Variants in SATB2 observed in about 807,000 individuals in gnomAD.
SATB2 encodes SATB homeobox 2.
Under a neutral mutation model 73.4 loss-of-function variants are expected in SATB2, and 1 was observed. The ratio of observed to expected loss-of-function variants is 0.01; its 90% CI spans 0.00 to 0.06. The LOEUF is 0.06. Among genes scored for constraint, SATB2 ranks in the 10% least tolerant of loss-of-function variants. The pLI, the probability that SATB2 is intolerant of heterozygous loss-of-function variation, is 1.00. For synonymous variants in SATB2, 397 were observed against 367.0 expected, an observed-to-expected ratio of 1.08 and a Z score of -0.93; for missense variants, 459 against 945.8, an observed-to-expected ratio of 0.49 and a Z score of 6.75.
chr2:199,386,746 ACACACACACACACACACAC>A (rs1689971625), intron 3 of SATB2, among the ~76,000 whole-genome samples: 2 of 148,722 alleles, frequency 1.3e-5, no homozygotes, highest in Non-Finnish European at 3.0e-5. Flanking sequence ...ACACACACAC[ACACACACACACACACACAC>A]ACCTTTGAGT....
At chr2:199,346,486 A>G (rs578001058) in intron 7 of SATB2, among the ~76,000 whole-genome samples, 1 of 152,154 alleles carries the variant, frequency 6.6e-6, no homozygotes, top group Non-Finnish European at 1.5e-5. Context: ...ATCATACGAC[A>G]ATTTCAAAAC....
Position 199,291,033 on chromosome 2 carries a change from G to A in SATB2, c.1740+17727C>T, listed in dbSNP as rs1427207336. Among the ~76,000 whole-genome samples the A allele has an allele frequency of 2.0e-5, 3 of 152,124 alleles. No homozygotes were observed. The East Asian group carries it at 5.8e-4, about 29-fold the overall frequency. ...TGAATTGTCAATGGCTCCCAACTGA[G>A]CAAAATATGAAAGAATATTGCCTAT... On this transcript the variant is annotated intron_variant, in intron 10 of 10. Transcript: ENST00000417098.
intron 5 of SATB2, 65 bp downstream of exon 5, chr2:199,380,299 C>A (rs181937235): frequency 3.1e-6 from 5 of 1,596,648 alleles, no homozygotes; most frequent in East Asian, 2.2e-5. Flanking sequence ...GCAGAAGGAA[C>A]CCCCTGATAG....
intron 7 of SATB2, among the ~76,000 whole-genome samples, chr2:199,330,439 C>T (rs1688153683): frequency 6.6e-6 from 1 of 152,160 alleles, no homozygotes; most frequent in Non-Finnish European, 1.5e-5. Context: ...GGTAGAAAAG[C>T]TACAGATCAG....
intron 7 of SATB2, among the ~76,000 whole-genome samples, chr2:199,335,825 T>G (rs1482497673): frequency 6.6e-6 from 1 of 152,162 alleles, no homozygotes; most frequent in Non-Finnish European, 1.5e-5. Flanking sequence ...GCACCCTAAG[T>G]CTGTAATTTA....
intron 3 of SATB2, among the ~76,000 whole-genome samples, chr2:199,388,404 T>C (rs1409668147): frequency 1.3e-5 from 2 of 152,100 alleles, no homozygotes; most frequent in African/African-American, 4.8e-5. Flanking sequence ...ATGAGAAATA[T>C]TTACTTCATG....
At chr2:199,390,430 AAG>A (rs1242551950) in intron 3 of SATB2, among the ~76,000 whole-genome samples, 1 of 152,220 alleles carries the variant, frequency 6.6e-6, no homozygotes, top group Non-Finnish European at 1.5e-5. Context: ...CATTTTCTAA[AAG>A]AGTTTTAAAT....
In SATB2 at chr2:199,392,162, C is replaced by T. The variant is rs541498810; in HGVS notation, c.347-10342G>A. Among the ~76,000 whole-genome samples, 3 of 152,082 alleles carry T rather than the reference C, an allele frequency of 2.0e-5. No individual in the cohort carries two copies. In the South Asian group the frequency reaches 6.2e-4, roughly 32 times the overall value. ...GCCAGATTTGGACATCACTGCCCAG[C>T]GTGCCCAGTAAAAAGCAAGGACTGG... On this transcript the variant is annotated intron_variant, in intron 3 of 10. Transcript: ENST00000417098.
intron 10 of SATB2, among the ~76,000 whole-genome samples, chr2:199,280,262 C>T (rs541609907): frequency 6.6e-6 from 1 of 152,290 alleles, no homozygotes; most frequent in South Asian, 2.1e-4. Flanking sequence ...CCTGTCTTTA[C>T]TTTAATCTCT....
rs113384918 is a variant in SATB2 at position 199,426,840 on chromosome 2, T to C, written c.346+6498A>G. On this transcript the variant is annotated intron_variant, in intron 3 of 10. Transcript: ENST00000417098. ...TTTATTTATTTAGAGACAGAGTCTT[T>C]ATTTAGAGACATCTATTTATTTAGA... Among the ~76,000 whole-genome samples the C allele has an allele frequency of 4.4e-3, 671 of 152,268 alleles. 3 individuals carry two copies. Among genetic ancestry groups the C allele is most frequent in the African/African-American group, 0.015 (635 of 41,542 alleles).
chr2:199,275,117 T>C (rs1274597410), intron 10 of SATB2, among the ~76,000 whole-genome samples: 3 of 152,186 alleles, frequency 2.0e-5, no homozygotes, highest in Non-Finnish European at 4.4e-5. Flanking sequence ...TTGCCTTCTG[T>C]AGTAAAAGTC....
At chr2:199,371,877 T>C (rs1192837575) in intron 5 of SATB2, among the ~76,000 whole-genome samples, 1 of 152,168 alleles carries the variant, frequency 6.6e-6, no homozygotes, top group Non-Finnish European at 1.5e-5. Flanking sequence ...CGAGGAACTA[T>C]GATTTACTAA....
chr2:199,315,331 C>T (rs1271908733), intron 9 of SATB2, among the ~76,000 whole-genome samples: 2 of 151,978 alleles, frequency 1.3e-5, no homozygotes, highest in African/African-American at 4.8e-5. Context: ...AAATGAGTGA[C>T]ATATCCTCCA....
intron 3 of SATB2, among the ~76,000 whole-genome samples, chr2:199,406,063 A>T (rs1296759687): frequency 6.6e-6 from 1 of 152,218 alleles, no homozygotes; most frequent in Non-Finnish European, 1.5e-5. Flanking sequence ...AGATATTATA[A>T]GCAATCTAGA....
At chr2:199,395,477 T>C (rs978750069) in intron 3 of SATB2, among the ~76,000 whole-genome samples, 2 of 152,192 alleles carry the variant, frequency 1.3e-5, no homozygotes, top group African/African-American at 4.8e-5. Context: ...TTTGTGGTTC[T>C]TGCACACTTG....
chr2:199,468,640 C>T (rs111728044), upstream of SATB2, among the ~76,000 whole-genome samples: 24 of 152,348 alleles, frequency 1.6e-4, no homozygotes, highest in African/African-American at 5.8e-4. Flanking sequence ...ATCCATGAAT[C>T]AGCTCCATAG....
chr2:199,299,594 T>C (rs1023123571), intron 10 of SATB2, among the ~76,000 whole-genome samples: 2 of 151,874 alleles, frequency 1.3e-5, no homozygotes, highest in African/African-American at 4.8e-5. Flanking sequence ...AAATACATTC[T>C]GAATAAAGGA....
chr2:199,467,189 C>T (rs944245612), upstream of SATB2, among the ~76,000 whole-genome samples: 3 of 152,236 alleles, frequency 2.0e-5, no homozygotes, highest in Non-Finnish European at 2.9e-5. Context: ...GCGTGAAGGG[C>T]GGGACGCCCA....
intron 9 of SATB2, among the ~76,000 whole-genome samples, chr2:199,318,567 G>T (rs1179577581): frequency 6.6e-6 from 1 of 151,952 alleles, no homozygotes; most frequent in Non-Finnish European, 1.5e-5. Context: ...CACATTGAAA[G>T]AAAAGATTCT....
Sources: allele counts gnomAD v4.1 joint callset (sites outside exome capture counted in the v4.1 genomes callset), GRCh38; gene constraint gnomAD v4.1.1; transcripts MANE v1.5; gene names NCBI Gene and HGNC (gene_info 2026-07-23, HGNC 2026-07-21).